Variants in TMEM131L observed in about 807,000 individuals in gnomAD.
TMEM131L encodes transmembrane 131 like, also known as transmembrane protein 131-like.
Under a neutral mutation model 192.2 loss-of-function variants are expected in TMEM131L, and 54 were observed. That is an observed-to-expected ratio of 0.28 (90% confidence interval 0.23 to 0.35). TMEM131L has a LOEUF of 0.35. Ranked by LOEUF, TMEM131L falls within the 10% of genes least tolerant of loss-of-function variation. TMEM131L has a pLI of 1.00. For missense variants in TMEM131L, 1,888 were observed against 1,972.9 expected, an observed-to-expected ratio of 0.96 and a Z score of 0.82; for synonymous variants, 701 against 704.9, an observed-to-expected ratio of 0.99 and a Z score of 0.09.
intron 26 of TMEM131L, among the ~76,000 whole-genome samples, chr4:153,618,538 A>ATAAC (rs1293196194): frequency 6.6e-6 from 1 of 151,736 alleles, no homozygotes; most frequent in Non-Finnish European, 1.5e-5. Flanking sequence ...AATGATGACG[A>ATAAC]TAACTAAGTC....
chr4:153,579,021 G>A (rs1379557248), intron 7 of TMEM131L, among the ~76,000 whole-genome samples: 1 of 152,106 alleles, frequency 6.6e-6, no homozygotes, highest in Non-Finnish European at 1.5e-5. Context: ...CAGAAAGTGG[G>A]CTTTTTCTGT....
At chr4:153,502,032 A>G (rs759402325) in intron 3 of TMEM131L, among the ~76,000 whole-genome samples, 6 of 148,924 alleles carry the variant, frequency 4.0e-5, no homozygotes, top group South Asian at 2.1e-4. Flanking sequence ...GCTCACTGCA[A>G]CCTTAACATT....
intron 26 of TMEM131L, among the ~76,000 whole-genome samples, chr4:153,614,528 C>T (rs536864252): frequency 3.3e-5 from 5 of 151,998 alleles, no homozygotes; most frequent in African/African-American, 9.6e-5. Flanking sequence ...TGGGGGGCGG[C>T]GGGGTGGACA....
Position 153,555,976 on chromosome 4 carries a change from GC to G in TMEM131L, c.432+68del. 6.6e-7 allele frequency: 1 copy of G among 1,516,670 alleles called. No individual in the cohort carries two copies. Among genetic ancestry groups the G allele is most frequent in the Non-Finnish European group, 8.9e-7 (1 of 1,125,330 alleles). The allele number at this position is 1,516,670 out of a possible 1,614,324, so 94.0% of individuals were successfully genotyped here. The stretch of plus-strand genomic sequence containing the variant: ...CAGCCAGGTTTTCTTGCTTTCTTTG[GC>G]CTGAAGTTTTTACTTTCTGCTCCCT... On this transcript the variant is annotated intron_variant, in intron 5 of 34. Transcript: ENST00000409959. This position sits in a 1 kb window ranked among gnomAD's most constrained non-coding sequence, Gnocchi z 4.1.
intron 3 of TMEM131L, among the ~76,000 whole-genome samples, chr4:153,492,018 T>C (rs1263620105): frequency 6.6e-6 from 1 of 152,072 alleles, no homozygotes; most frequent in Non-Finnish European, 1.5e-5. Context: ...CTTCTTGTTT[T>C]GAGATGGGGC....
At position 153,585,425 on chromosome 4, in the gene TMEM131L, A is replaced by G. The variant is rs369079988; in HGVS notation, c.1158-33A>G. On this transcript the variant is annotated intron_variant, in intron 12 of 34. Coordinates refer to ENST00000409959, the MANE Select transcript of TMEM131L (RefSeq NM_001131007.2). ...GAGGGCTGACTGTTGTCCCACACTC[A>G]GGCCTGATAGCATGCATGTCGTCTG... 11 of 1,609,180 alleles carry G rather than the reference A, an allele frequency of 6.8e-6. No homozygotes were observed. In the African/African-American group the frequency reaches 1.3e-4, roughly 20 times the overall value.
At chr4:153,491,796 TC>T (rs1404779566) in intron 3 of TMEM131L, among the ~76,000 whole-genome samples, 1 of 152,148 alleles carries the variant, frequency 6.6e-6, no homozygotes, top group Admixed American at 6.5e-5. Flanking sequence ...AACCTCAGAC[TC>T]CCGGGCTCAA....
intron 25 of TMEM131L, among the ~76,000 whole-genome samples, chr4:153,605,942 C>A (rs1732200813): frequency 6.6e-6 from 1 of 152,166 alleles, no homozygotes; most frequent in South Asian, 2.1e-4. Context: ...TGCATTTAGT[C>A]CAACCCGTTT....
rs536934796 is a variant in TMEM131L at position 153,559,311 on chromosome 4, C to CT, written c.660+945dup. Among the ~76,000 whole-genome samples, 7 of 152,260 alleles carry CT rather than the reference C, an allele frequency of 4.6e-5. No homozygotes were observed. The East Asian group carries it at 1.2e-3, about 25-fold the overall frequency. On this transcript the variant is annotated intron_variant, in intron 7 of 34. Transcript: ENST00000409959. The stretch of plus-strand genomic sequence containing the variant: ...TTTTTATAAAATGGAAAAGCCCCTC[C>CT]TTGCAGAATTTTAAGGAAGACTTCT...
chr4:153,556,664 T>C (rs2150469070), intron 5 of TMEM131L, among the ~76,000 whole-genome samples: 1 of 152,306 alleles, frequency 6.6e-6, no homozygotes, highest in South Asian at 2.1e-4. Context: ...GAGATAGAAC[T>C]GTGTTAGCTA....
At chr4:153,470,771 G>A (rs1363298653) in intron 2 of TMEM131L, among the ~76,000 whole-genome samples, 1 of 152,202 alleles carries the variant, frequency 6.6e-6, no homozygotes, top group Non-Finnish European at 1.5e-5. Context: ...CACCTGACCT[G>A]CTCTGTCCTG....
At chr4:153,616,998 A>G (rs891960922) in intron 26 of TMEM131L, among the ~76,000 whole-genome samples, 2 of 152,184 alleles carry the variant, frequency 1.3e-5, no homozygotes, top group African/African-American at 4.8e-5. Flanking sequence ...AAAAAATAGA[A>G]TGAAAGGGTA....
At chr4:153,483,948 C>T (rs534392416) in intron 3 of TMEM131L, among the ~76,000 whole-genome samples, 61 of 152,170 alleles carry the variant, frequency 4.0e-4, no homozygotes, top group Middle Eastern at 3.4e-3. Context: ...ATCCCAACAT[C>T]GGCAGCAGTA....
chr4:153,509,458 G>A (rs1281718963), intron 3 of TMEM131L, among the ~76,000 whole-genome samples: 1 of 152,130 alleles, frequency 6.6e-6, no homozygotes, highest in African/African-American at 2.4e-5. Context: ...TGGGTGTGGT[G>A]GCTCAAGCCT....
chr4:153,509,880 G>A (rs1465333016), intron 3 of TMEM131L, among the ~76,000 whole-genome samples: 2 of 152,276 alleles, frequency 1.3e-5, no homozygotes, highest in East Asian at 3.9e-4. Context: ...GTTGGAAATC[G>A]CTGCGTCGGG....
intron 3 of TMEM131L, among the ~76,000 whole-genome samples, chr4:153,509,329 C>T (rs548589771): frequency 1.3e-5 from 2 of 151,232 alleles, no homozygotes; most frequent in Non-Finnish European, 2.9e-5. Flanking sequence ...CCTGCCACCG[C>T]ACTCTAACCT....
chr4:153,587,917 T>A (rs1241710373), intron 15 of TMEM131L, 106 bp downstream of exon 15: 8 of 831,896 alleles, frequency 9.6e-6, no homozygotes, highest in Non-Finnish European at 1.7e-5. Flanking sequence ...TGTAAAGGCA[T>A]CATATTCTAT....
intron 25 of TMEM131L, among the ~76,000 whole-genome samples, chr4:153,611,095 A>C (rs758020078): frequency 5.3e-5 from 8 of 152,250 alleles, no homozygotes; most frequent in Non-Finnish European, 1.2e-4. Flanking sequence ...TATTTTCAGA[A>C]AAGGTTCCTC....
chr4:153,565,491 T>C (rs1442550650), intron 7 of TMEM131L, among the ~76,000 whole-genome samples: 1 of 152,212 alleles, frequency 6.6e-6, no homozygotes, highest in Non-Finnish European at 1.5e-5. Flanking sequence ...AGCCAGTGAA[T>C]GATTATTAAC....
Sources: gnomAD v4.1 joint callset for allele counts (sites outside exome capture counted in the v4.1 genomes callset) on GRCh38, gnomAD v4.1.1 for gene constraint, Gnocchi (gnomAD v3.1) non-coding constraint, MANE v1.5 for transcripts, NCBI Gene and HGNC (gene_info 2026-07-23, HGNC 2026-07-21) for gene names.